The following STAT3 variants were observed in gnomAD, a reference collection of about 807,000 sequenced individuals.
STAT3 encodes the protein DNA-binding protein APRF.
STAT3 carries 7 observed loss-of-function variants against 114.3 expected under a neutral mutation model. That is an observed-to-expected ratio of 0.06 (90% CI 0.03 to 0.11). The LOEUF is 0.11. Ranked by LOEUF, STAT3 falls within the 10% of genes least tolerant of loss-of-function variation. The pLI is 1.00. For missense variants in STAT3, 364 were observed against 960.9 expected, an observed-to-expected ratio of 0.38 and a Z score of 8.21; for synonymous variants, 331 against 354.5, an observed-to-expected ratio of 0.93 and a Z score of 0.74.
intron 1 of STAT3, among the ~76,000 whole-genome samples, chr17:42,360,271 G>A (rs1302664187): frequency 6.6e-5 from 10 of 151,094 alleles, no homozygotes; most frequent in Non-Finnish European, 7.4e-5. Flanking sequence ...AGGCTCAAGC[G>A]ATCCTCCAGC....
intron 14 of STAT3, 106 bp from the exon 15 acceptor site, chr17:42,326,305 C>A: frequency 2.1e-6 from 2 of 957,004 alleles, no homozygotes; most frequent in East Asian, 2.5e-5. Flanking sequence ...CCCAGGAGTT[C>A]GAGACCAGTC....
At position 42,337,882 on chromosome 17, in the gene STAT3, GACCTGAGGGAATACTCCTT is replaced by G; in HGVS notation, c.551-44_551-26del. 3 of 1,568,968 alleles carry G rather than the reference GACCTGAGGGAATACTCCTT, an allele frequency of 1.9e-6. No homozygotes were observed. The highest frequency in any genetic ancestry group is 2.3e-5 in the East Asian group (1 of 44,354). ...TCTGCGAAGGAAGAAAAAACTCCTT[GACCTGAGGGAATACTCCTT>G]GACCTGAGGGAATACTCCTTGACCT... On this transcript the variant is annotated intron_variant, in intron 6 of 23. Transcript: ENST00000264657. The surrounding 1 kb of genome is among the most constrained non-coding windows in gnomAD (Gnocchi z 4.0).
chr17:42,371,662 G>GTGAAA (rs2084147816), intron 1 of STAT3, among the ~76,000 whole-genome samples: 1 of 131,734 alleles, frequency 7.6e-6, no homozygotes, highest in African/African-American at 3.0e-5. Flanking sequence ...GTCAACAGGA[G>GTGAAA]CAAAACTCTG....
intron 11 of STAT3, among the ~76,000 whole-genome samples, chr17:42,330,405 C>A (rs1196298465): frequency 6.6e-6 from 1 of 150,684 alleles, no homozygotes; most frequent in Admixed American, 6.6e-5. Flanking sequence ...CGTGAGCCAC[C>A]GCGCCCAGCC....
Position 42,324,879 on chromosome 17 carries a change from G to A in STAT3, c.1465-33C>T, listed in dbSNP as rs2081637774. 2 of 1,614,072 alleles carry A rather than the reference G, an allele frequency of 1.2e-6. No individual in the cohort carries two copies. Among genetic ancestry groups the A allele is most frequent in the Non-Finnish European group, 1.7e-6 (2 of 1,180,046 alleles). On this transcript the variant is annotated intron_variant, in intron 16 of 23. Coordinates refer to ENST00000264657, the MANE Select transcript of STAT3 (RefSeq NM_139276.3). The surrounding 1 kb of genome is among the most constrained non-coding windows in gnomAD (Gnocchi z 4.5). The stretch of plus-strand genomic sequence containing the variant: ...AAAGAACACATTTGCTTGTTTAGAT[G>A]AGGGATGGTGCTCATTGTCTATACT...
At chr17:42,359,081 G>T (rs1297968718) in intron 1 of STAT3, among the ~76,000 whole-genome samples, 1 of 151,582 alleles carries the variant, frequency 6.6e-6, no homozygotes, top group Non-Finnish European at 1.5e-5. Flanking sequence ...GACTCCAGGC[G>T]CCCGCCACCA....
chr17:42,376,928 C>G (rs2084504389), intron 1 of STAT3, among the ~76,000 whole-genome samples: 1 of 152,118 alleles, frequency 6.6e-6, no homozygotes, highest in African/African-American at 2.4e-5. Flanking sequence ...TAATTATCCC[C>G]AAGTTAATGT....
intron 1 of STAT3, among the ~76,000 whole-genome samples, chr17:42,362,875 C>T (rs985840196): frequency 6.6e-6 from 1 of 152,150 alleles, no homozygotes; most frequent in Non-Finnish European, 1.5e-5. Context: ...TTCTTCAGGT[C>T]CTCAAAAACA....
At chr17:42,357,428 T>C (rs922495736) in intron 1 of STAT3, among the ~76,000 whole-genome samples, 2 of 151,982 alleles carry the variant, frequency 1.3e-5, no homozygotes, top group Admixed American at 6.6e-5. Context: ...CTTGTAATCC[T>C]TGGGAGGCTG....
rs143081322 is a variant in STAT3, at chr17:42,319,497, G to A, written c.2102-2273C>T. On this transcript the variant is annotated intron_variant, in intron 21 of 23. Coordinates refer to ENST00000264657, the MANE Select transcript of STAT3 (RefSeq NM_139276.3). ...GCAGAGGTTTCAGTGAAGCAAGATCGCGCCACTGCACTCCAGTCTGGACGA... is the reference window on the plus strand; with the variant it reads ...GCAGAGGTTTCAGTGAAGCAAGATCACGCCACTGCACTCCAGTCTGGACGA... 2.3e-3 allele frequency among the ~76,000 whole-genome samples: 303 copies of A among 132,642 alleles called. 8 individuals are homozygous for A. In the East Asian group the frequency reaches 0.064, roughly 28 times the overall value. The allele number at this position is 132,642 out of a possible 152,430, so 87.0% of individuals were successfully genotyped here. A position where few individuals can be genotyped will look rare whatever the true frequency, so the allele number is the denominator to read the frequency against.
chr17:42,330,497 T>G (rs989961870), intron 11 of STAT3, among the ~76,000 whole-genome samples: 5 of 150,180 alleles, frequency 3.3e-5, no homozygotes, highest in African/African-American at 1.2e-4. Context: ...GGTGTGATCT[T>G]GGCTCACTGC....
At chr17:42,320,876 AG>A (rs1488006386) in intron 21 of STAT3, among the ~76,000 whole-genome samples, 2 of 152,082 alleles carry the variant, frequency 1.3e-5, no homozygotes, top group African/African-American at 2.4e-5. Flanking sequence ...GGGAACAGAC[AG>A]GGCTACCCCC....
At chr17:42,347,516 G>T (rs2082752946) in intron 2 of STAT3, among the ~76,000 whole-genome samples, 1 of 152,128 alleles carries the variant, frequency 6.6e-6, no homozygotes, top group Non-Finnish European at 1.5e-5. Flanking sequence ...GAAAATAGTT[G>T]CTGGACATCT....
Position 42,337,366 on chromosome 17 carries a change from G to T in STAT3, c.797+69C>A, listed in dbSNP as rs559232643. 4.9e-5 allele frequency: 78 copies of T among 1,590,762 alleles called. No individual in the cohort carries two copies. In the African/African-American group the frequency reaches 9.1e-4, roughly 19 times the overall value. On this transcript the variant is annotated intron_variant, in intron 8 of 23. Coordinates refer to ENST00000264657, the MANE Select transcript of STAT3 (RefSeq NM_139276.3). The surrounding 1 kb of genome is among the most constrained non-coding windows in gnomAD (Gnocchi z 4.0). ...TGGAGATATAGTACCAATTCTGTGGGCCTGCAGTTAAGATCAGAATTCAAT... is the reference window on the plus strand; with the variant it reads ...TGGAGATATAGTACCAATTCTGTGGTCCTGCAGTTAAGATCAGAATTCAAT...
intron 8 of STAT3, among the ~76,000 whole-genome samples, chr17:42,336,184 C>T (rs1286240388): frequency 6.6e-6 from 1 of 152,154 alleles, no homozygotes; most frequent in East Asian, 1.9e-4. Context: ...GGCTCTGTAT[C>T]TCAAGTTTCT....
intron 23 of STAT3, chr17:42,316,336 A>G (rs1169481144): frequency 2.8e-6 from 1 of 360,510 alleles, no homozygotes; most frequent in Non-Finnish European, 5.4e-6. Flanking sequence ...CCCAGGCTCA[A>G]GCGATCCTCC....
At position 42,324,949 on chromosome 17, in the gene STAT3, G is replaced by C. The variant is rs759691237; in HGVS notation, c.1464+14C>G. ...GAGATCCCGGGGCACCAACTAAAAG[G>C]AGGGGGCACTAACCTTGGGATTGTT... On this transcript the variant is annotated intron_variant, in intron 16 of 23. Transcript: ENST00000264657. The surrounding 1 kb of genome is among the most constrained non-coding windows in gnomAD (Gnocchi z 4.5). 67 of 1,614,182 alleles carry C rather than the reference G, an allele frequency of 4.2e-5. No homozygotes were observed. The highest frequency in any genetic ancestry group is 5.6e-5 in the Non-Finnish European group (66 of 1,180,036).
intron 1 of STAT3, among the ~76,000 whole-genome samples, chr17:42,359,879 T>C (rs17878746): frequency 0.016 from 2,368 of 151,674 alleles, 62 homozygotes; most frequent in African/African-American, 0.055. Flanking sequence ...GCTAACACGG[T>C]GAAACCCCGT....
At chr17:42,342,204 C>T (rs1220842117) in intron 4 of STAT3, among the ~76,000 whole-genome samples, 2 of 152,084 alleles carry the variant, frequency 1.3e-5, no homozygotes, top group Admixed American at 6.6e-5. Context: ...TCACTAGGGC[C>T]GGACACAGTG....
Sources: allele counts gnomAD v4.1 joint callset (sites outside exome capture counted in the v4.1 genomes callset), GRCh38; gene constraint gnomAD v4.1.1; non-coding constraint Gnocchi (gnomAD v3.1); transcripts MANE v1.5; gene names NCBI Gene and HGNC (gene_info 2026-07-23, HGNC 2026-07-21).